RNF150: variants seen among roughly 807,000 people sequenced by gnomAD.
RNF150 encodes ring finger protein 150.
Under a neutral mutation model 39.3 loss-of-function variants are expected in RNF150, and 24 were observed. The observed-to-expected ratio is 0.61, with a 90% CI of 0.44 to 0.86. The LOEUF (loss-of-function observed/expected upper bound fraction) is 0.86, where lower values mean the gene tolerates loss of function less well. RNF150 is among the 40% of genes least tolerant of loss of function. RNF150 has a pLI of 0.00. For synonymous variants in RNF150, 255 were observed against 227.3 expected (o/e 1.12, Z -1.10); for missense variants, 502 against 587.8 (o/e 0.85, Z 1.51).
intron 6 of RNF150, among the ~76,000 whole-genome samples, chr4:140,875,476 C>T (rs1729120059): frequency 6.6e-6 from 1 of 152,138 alleles, no homozygotes; most frequent in East Asian, 1.9e-4. Context: ...ATACCTGGCC[C>T]ATAATCTGTT....
intron 5 of RNF150, among the ~76,000 whole-genome samples, chr4:140,923,117 A>G (rs1293375845): frequency 6.6e-6 from 1 of 151,638 alleles, no homozygotes; most frequent in Non-Finnish European, 1.5e-5. Context: ...AAAATTGACA[A>G]ATGGGATCTA....
chr4:141,138,153 T>A (rs1316719985), upstream of RNF150, among the ~76,000 whole-genome samples: 1 of 152,228 alleles, frequency 6.6e-6, no homozygotes, highest in Admixed American at 6.5e-5. Flanking sequence ...TACCTTAGAC[T>A]TCTAAAAAAT....
chr4:141,023,053 T>A (rs1735556929), intron 1 of RNF150, among the ~76,000 whole-genome samples: 1 of 152,178 alleles, frequency 6.6e-6, no homozygotes, highest in South Asian at 2.1e-4. Flanking sequence ...ATACACCAAG[T>A]TTAGAAATAA....
chr4:140,904,018 T>C (rs1401693782), intron 6 of RNF150, among the ~76,000 whole-genome samples: 3 of 152,112 alleles, frequency 2.0e-5, no homozygotes, highest in African/African-American at 4.8e-5. Flanking sequence ...GGAGGAGAAA[T>C]GTTATTGCGG....
chr4:140,907,842 T>TAAGA (rs1160452028), intron 6 of RNF150, among the ~76,000 whole-genome samples: 1 of 152,152 alleles, frequency 6.6e-6, no homozygotes, highest in Non-Finnish European at 1.5e-5. Context: ...TCTGCATCAG[T>TAAGA]AAGATGAAGA....
intron 6 of RNF150, among the ~76,000 whole-genome samples, chr4:140,883,728 G>A (rs1344672916): frequency 1.3e-5 from 2 of 152,104 alleles, no homozygotes; most frequent in African/African-American, 4.8e-5. Flanking sequence ...CTTTGACTTT[G>A]GACAATTTGA....
chr4:141,064,777 C>T (rs1048834565), intron 1 of RNF150, among the ~76,000 whole-genome samples: 9 of 152,030 alleles, frequency 5.9e-5, no homozygotes, highest in Admixed American at 1.3e-4. Context: ...CCCCTTCAAG[C>T]GCTATTTGTT....
chr4:140,995,632 C>A (rs1579036799), intron 1 of RNF150, among the ~76,000 whole-genome samples: 1 of 152,258 alleles, frequency 6.6e-6, no homozygotes, highest in Non-Finnish European at 1.5e-5. Context: ...GGTGTCTGAA[C>A]CCTGCCTCTG....
intron 4 of RNF150, among the ~76,000 whole-genome samples, chr4:140,934,343 C>T (rs906079849): frequency 5.9e-5 from 9 of 151,684 alleles, no homozygotes; most frequent in Non-Finnish European, 7.4e-5. Flanking sequence ...AAAAGACAAA[C>T]GGAAAAAAGC....
intron 4 of RNF150, among the ~76,000 whole-genome samples, chr4:140,940,472 T>C (rs1269440036): frequency 1.3e-5 from 2 of 152,142 alleles, no homozygotes; most frequent in African/African-American, 4.8e-5. Flanking sequence ...GGATATTATA[T>C]ATTAATTAAA....
chr4:140,933,634 T>G (rs941020164), intron 4 of RNF150, among the ~76,000 whole-genome samples: 1 of 152,226 alleles, frequency 6.6e-6, no homozygotes, highest in African/African-American at 2.4e-5. Context: ...AAAATGAAGT[T>G]GGAAAATATG....
chr4:141,073,508 T>G (rs1049291563), intron 1 of RNF150, among the ~76,000 whole-genome samples: 1 of 151,736 alleles, frequency 6.6e-6, no homozygotes, highest in Admixed American at 6.6e-5. Flanking sequence ...TAAAATGAGA[T>G]AGTAACACAG....
intron 1 of RNF150, among the ~76,000 whole-genome samples, chr4:141,058,887 T>C (rs564910327): frequency 6.6e-6 from 1 of 152,210 alleles, no homozygotes; most frequent in South Asian, 2.1e-4. Flanking sequence ...TGCAACAGAG[T>C]TGACACATGA....
chr4:141,031,817 A>G (rs1735956351), intron 1 of RNF150, among the ~76,000 whole-genome samples: 2 of 152,114 alleles, frequency 1.3e-5, no homozygotes, highest in Admixed American at 6.6e-5. Context: ...AAATTAGTAG[A>G]GCCATTATGG....
Position 140,911,243 on chromosome 4 carries a change from C to T in RNF150, c.1099G>A (p.Val367Ile), listed in dbSNP as rs1182611991. 1 of 1,614,040 alleles carries T rather than the reference C, an allele frequency of 6.2e-7. No individual in the cohort carries two copies. Among genetic ancestry groups the T allele is most frequent in the Non-Finnish European group, 8.5e-7 (1 of 1,179,928 alleles). ...ASDTTVNESSVTLDPAVRTVG... is the reference protein window; with the variant it reads ...ASDTTVNESSITLDPAVRTVG... The stretch of plus-strand genomic sequence containing the variant: ...GTCCGGACAGCAGGGTCCAAAGTGA[C>T]TGAACTTTCATTCACTGTTGTGTCG... Residue 367 changes from valine to isoleucine, a missense_variant, in exon 6 of 7, where the codon GTC (valine) becomes ATC (isoleucine). Val to Ile is a conservative substitution (Grantham distance 29). Coordinates refer to ENST00000515673, the MANE Select transcript of RNF150 (RefSeq NM_020724.2).
At chr4:141,170,344 T>A (rs1447335411) in intron 1 of RNF150, among the ~76,000 whole-genome samples, 1 of 152,196 alleles carries the variant, frequency 6.6e-6, no homozygotes, top group Non-Finnish European at 1.5e-5. Flanking sequence ...TTGGGGCACC[T>A]GTAGATGATT....
intron 1 of RNF150, among the ~76,000 whole-genome samples, chr4:141,004,717 A>G (rs922197483): frequency 7.2e-5 from 11 of 152,294 alleles, no homozygotes; most frequent in Admixed American, 7.2e-4. Flanking sequence ...TATTTTTATA[A>G]GAAGTTGTCT....
intron 6 of RNF150, among the ~76,000 whole-genome samples, chr4:140,878,241 ACCTC>A (rs1729242327): frequency 3.9e-4 from 1 of 2,566 alleles, no homozygotes; most frequent in Non-Finnish European, 8.9e-3. Flanking sequence ...ATCTTGGCTT[ACCTC>A]ACTCAACCTT....
At chr4:140,875,876 T>C in intron 6 of RNF150, among the ~76,000 whole-genome samples, 1 of 152,334 alleles carries the variant, frequency 6.6e-6, no homozygotes, top group East Asian at 1.9e-4. Flanking sequence ...CTTCCCTGAA[T>C]GAGGTTTATT....
Sources: gnomAD v4.1 joint callset for allele counts (sites outside exome capture counted in the v4.1 genomes callset) on GRCh38, gnomAD v4.1.1 for gene constraint, MANE v1.5 for transcripts, NCBI Gene and HGNC (gene_info 2026-07-23, HGNC 2026-07-21) for gene names.